The following RSPO1 variants were observed in gnomAD, a reference collection of about 807,000 sequenced individuals.
RSPO1 encodes R-spondin-1.
Under a neutral mutation model 26.0 loss-of-function variants are expected in RSPO1, and 18 were observed. The ratio of observed to expected loss-of-function variants is 0.69; its 90% CI spans 0.48 to 1.03. RSPO1 has a LOEUF of 1.03. Among genes scored for constraint, RSPO1 ranks in the 50% least tolerant of loss-of-function variants. RSPO1 has a pLI of 0.00. For missense variants in RSPO1, 309 were observed against 352.3 expected, an observed-to-expected ratio of 0.88 and a Z score of 0.98; for synonymous variants, 133 against 137.4, an observed-to-expected ratio of 0.97 and a Z score of 0.22.
Position 37,633,396 on chromosome 1 carries a change from C to T in RSPO1, c.-355-1043G>A, listed in dbSNP as rs1442515966. ...CCAAAGCGAGAGGCCACAAGGGCCT[C>T]GGAGGGGAGTATACAGGTCGGGGAG... is the stretch of plus-strand genomic sequence containing the variant. On this transcript the variant is annotated intron_variant, in intron 1 of 6. Transcript: ENST00000356545. 9.9e-5 allele frequency among the ~76,000 whole-genome samples: 15 copies of T among 152,126 alleles called. No homozygotes were observed. In the South Asian group the frequency reaches 3.1e-3, roughly 32 times the overall value.
intron 4 of RSPO1, among the ~76,000 whole-genome samples, chr1:37,614,611 G>A (rs1183653985): frequency 6.6e-6 from 1 of 152,234 alleles, no homozygotes; most frequent in Non-Finnish European, 1.5e-5. Context: ...CTCAGTCCCT[G>A]CAGCCCAAGG....
intron 4 of RSPO1, 44 bp from the exon 5 acceptor site, chr1:37,614,377 G>A: frequency 6.2e-7 from 1 of 1,611,118 alleles, no homozygotes; most frequent in Admixed American, 1.7e-5. Context: ...AGCCTGGTGA[G>A]AATGTTTCCC....
In RSPO1 at chr1:37,613,994, C is replaced by T; in HGVS notation, c.437-102G>A. 2 of 1,408,632 alleles carry T rather than the reference C, an allele frequency of 1.4e-6. No homozygotes were observed. The highest frequency in any genetic ancestry group is 1.7e-5 in the Admixed American group (1 of 57,616). The allele number at this position is 1,408,632 out of a possible 1,614,324, so 87.3% of individuals were successfully genotyped here. On this transcript the variant is annotated intron_variant, in intron 5 of 6. Transcript: ENST00000356545. The surrounding 1 kb of genome is among the most constrained non-coding windows in gnomAD (Gnocchi z 4.5). ...CAGGGGAGCATCTCCCACTTTCCTT[C>T]TGCCTGGACCTGAGGCTGCAGGTAT...
chr1:37,624,581 C>T (rs770052161), intron 3 of RSPO1, among the ~76,000 whole-genome samples: 2 of 151,988 alleles, frequency 1.3e-5, no homozygotes, highest in Non-Finnish European at 2.9e-5. Flanking sequence ...TCTCCTTCAT[C>T]CTACGCAAAG....
At chr1:37,617,688 A>AAGAG (rs1553120746) in intron 3 of RSPO1, among the ~76,000 whole-genome samples, 1 of 136,536 alleles carries the variant, frequency 7.3e-6, no homozygotes, top group East Asian at 2.2e-4. Flanking sequence ...AAAAAAAAAA[A>AAGAG]AGAGAGAACC....
At chr1:37,614,536 G>T (rs1644081526) in intron 4 of RSPO1, among the ~76,000 whole-genome samples, 1 of 152,228 alleles carries the variant, frequency 6.6e-6, no homozygotes, top group African/African-American at 2.4e-5. Flanking sequence ...AGAAGCTGAA[G>T]CGGTTGCTCC....
chr1:37,612,957 G>A (rs754670960), intron 6 of RSPO1, 36 bp from the exon 7 acceptor site: 1 of 1,611,312 alleles, frequency 6.2e-7, no homozygotes, highest in South Asian at 1.1e-5. Flanking sequence ...ATCAACAAAG[G>A]ATGTGCAGGG....
intron 3 of RSPO1, among the ~76,000 whole-genome samples, chr1:37,617,138 A>G (rs755047485): frequency 6.6e-6 from 1 of 152,212 alleles, no homozygotes; most frequent in African/African-American, 2.4e-5. Context: ...GGAATAATCT[A>G]TGCCTAGAAC....
At chr1:37,626,452 G>C (rs917966058) in intron 3 of RSPO1, among the ~76,000 whole-genome samples, 1 of 152,124 alleles carries the variant, frequency 6.6e-6, no homozygotes, top group African/African-American at 2.4e-5. Context: ...AACTCCCCGG[G>C]GCTGTCCATG....
At chr1:37,627,014 T>C (rs565001396) in intron 3 of RSPO1, among the ~76,000 whole-genome samples, 57 of 152,164 alleles carry the variant, frequency 3.7e-4, no homozygotes, top group Non-Finnish European at 6.9e-4. Flanking sequence ...AGAAGTTCTT[T>C]GCTCAACTTT....
chr1:37,628,525 A>T (rs115142092), intron 3 of RSPO1, among the ~76,000 whole-genome samples: 12 of 152,208 alleles, frequency 7.9e-5, no homozygotes, highest in African/African-American at 2.9e-4. Context: ...CTTCAGGAAG[A>T]TCTCCTGCCT....
At position 37,634,299 on chromosome 1, in the gene RSPO1, A is replaced by T. The variant is rs1644405164; in HGVS notation, c.-356+267T>A. Among the ~76,000 whole-genome samples the T allele has an allele frequency of 6.6e-6, 1 of 152,110 alleles. No homozygotes were observed. The highest frequency in any genetic ancestry group is 1.5e-5 in the Non-Finnish European group (1 of 68,022). The stretch of plus-strand genomic sequence containing the variant: ...GAATTCAGGACTGCGAGTGAGGATG[A>T]TCACCCGGGGCTGCGGGATGGAGGG... On this transcript the variant is annotated intron_variant, in intron 1 of 6. Transcript: ENST00000356545. The surrounding 1 kb of genome is among the most constrained non-coding windows in gnomAD (Gnocchi z 4.7).
chr1:37,629,378 C>A (rs949327472), intron 3 of RSPO1, among the ~76,000 whole-genome samples, 190 bp downstream of exon 3: 2 of 152,178 alleles, frequency 1.3e-5, no homozygotes, highest in Non-Finnish European at 2.9e-5. Context: ...TGGGTAATCT[C>A]AGCAAATTAA....
intron 3 of RSPO1, among the ~76,000 whole-genome samples, chr1:37,624,095 A>AAG (rs1016390869): frequency 6.6e-6 from 1 of 152,096 alleles, no homozygotes; most frequent in Non-Finnish European, 1.5e-5. Flanking sequence ...GAAAGCGACC[A>AAG]ATGGAAGGGC....
At chr1:37,616,728 T>C in intron 3 of RSPO1, 53 bp from the exon 4 acceptor site, 1 of 1,489,140 alleles carries the variant, frequency 6.7e-7, no homozygotes, top group Admixed American at 1.7e-5. Context: ...ACCTCACCTA[T>C]CCAGATTCTG....
chr1:37,631,016 T>C lies in RSPO1; in HGVS notation c.-288-1067A>G, dbSNP rs1465011477. Among the ~76,000 whole-genome samples the C allele has an allele frequency of 3.9e-4, 56 of 142,266 alleles. 1 individual carries two copies. Among genetic ancestry groups the C allele is most frequent in the Admixed American group, 3.9e-3 (56 of 14,300 alleles). 93.3% of individuals were successfully genotyped at this position (142,266 alleles called of 152,430 possible). A position where few individuals can be genotyped will look rare whatever the true frequency, so the allele number is the denominator to read the frequency against. ...AAGCATGACTATGTCACAGGCTAGC[T>C]GAGAGTCAGAGAGTTCAGGCTCAGG... On this transcript the variant is annotated intron_variant, in intron 2 of 6. Transcript: ENST00000356545.
intron 2 of RSPO1, chr1:37,631,799 T>A (rs1570129766): frequency 6.6e-6 from 1 of 152,228 alleles, no homozygotes; most frequent in East Asian, 1.9e-4. Flanking sequence ...CTAATAATCA[T>A]TCAAAAGGCA....
Position 37,630,050 on chromosome 1 carries a change from G to A in RSPO1, c.-288-101C>T, listed in dbSNP as rs1044207407. On this transcript the variant is annotated intron_variant, in intron 2 of 6. Transcript: ENST00000356545. ...GAAGACTGGGAGCTCAAAATGTTTGGACATTACAAGTTACCTACCTAGCAC... is the reference window on the plus strand; with the variant it reads ...GAAGACTGGGAGCTCAAAATGTTTGAACATTACAAGTTACCTACCTAGCAC... 9 of 649,056 alleles carry A rather than the reference G, an allele frequency of 1.4e-5. No individual in the cohort carries two copies. In the South Asian group the frequency reaches 1.5e-4, roughly 11 times the overall value. 40.2% of individuals were successfully genotyped at this position (649,056 alleles called of 1,614,324 possible).
intron 3 of RSPO1, among the ~76,000 whole-genome samples, chr1:37,621,613 C>A (rs969106213): frequency 6.6e-6 from 1 of 151,658 alleles, no homozygotes; most frequent in Non-Finnish European, 1.5e-5. Context: ...GGAGGGGGTT[C>A]GGGTGGGAAA....
Sources: gnomAD v4.1 joint callset for allele counts (sites outside exome capture counted in the v4.1 genomes callset) on GRCh38, gnomAD v4.1.1 for gene constraint, Gnocchi (gnomAD v3.1) non-coding constraint, MANE v1.5 for transcripts, NCBI Gene and HGNC (gene_info 2026-07-23, HGNC 2026-07-21) for gene names.